The following PTPRT variants were observed in gnomAD, a reference collection of about 807,000 sequenced individuals.
PTPRT encodes protein tyrosine phosphatase receptor type T, also known as receptor-type tyrosine-protein phosphatase T.
In PTPRT, 56 loss-of-function variants were observed where a neutral mutation model predicts 176.8. The observed-to-expected ratio is 0.32, with a 90% CI of 0.26 to 0.40. The LOEUF (loss-of-function observed/expected upper bound fraction) is 0.40. PTPRT is among the 10% of genes least tolerant of loss of function. The pLI is 1.00. For synonymous variants in PTPRT, 783 were observed against 739.0 expected (o/e 1.06, Z -0.96); for missense variants, 1,540 against 1,908.2 (o/e 0.81, Z 3.60).
chr20:42,032,758 TTC>T, the PTPRT span, among the ~76,000 whole-genome samples: 11 of 150,150 alleles, frequency 7.3e-5, no homozygotes, highest in Non-Finnish European at 8.9e-5. Flanking sequence ...CTCTCTCTCC[TTC>T]TCTCTCTCTC....
At chr20:42,270,042 T>C (rs2056904237) in intron 13 of PTPRT, among the ~76,000 whole-genome samples, 1 of 152,098 alleles carries the variant, frequency 6.6e-6, no homozygotes, top group South Asian at 2.1e-4. Flanking sequence ...GGCAAATTTA[T>C]TTGTGTAGTT....
intron 1 of PTPRT, among the ~76,000 whole-genome samples, chr20:42,934,883 AC>A (rs1158375999): frequency 2.0e-5 from 3 of 152,078 alleles, no homozygotes; most frequent in Admixed American, 6.6e-5. Flanking sequence ...AGCCTGGCCA[AC>A]ATGGTGGAAC....
chr20:42,802,199 T>C lies in PTPRT; in HGVS notation c.215-10733A>G, dbSNP rs2077540747. 5.3e-5 allele frequency among the ~76,000 whole-genome samples: 8 copies of C among 152,350 alleles called. No homozygotes were observed. In the South Asian group the frequency reaches 1.7e-3, roughly 32 times the overall value. On this transcript the variant is annotated intron_variant, in intron 2 of 30. Transcript: ENST00000373187. Reference sequence around the variant, plus strand: ...CTAAGTGATGCTGATGGGACTGATCTGTGGACCACACTTTGATAACCACTG... The same window carrying C: ...CTAAGTGATGCTGATGGGACTGATCCGTGGACCACACTTTGATAACCACTG...
chr20:42,652,054 AC>A (rs548053434), intron 7 of PTPRT, among the ~76,000 whole-genome samples: 108 of 150,898 alleles, frequency 7.2e-4, no homozygotes, highest in African/African-American at 2.5e-3. Flanking sequence ...CCTCAAAAAA[AC>A]AAAAACAAAA....
intron 7 of PTPRT, among the ~76,000 whole-genome samples, chr20:42,652,916 G>A (rs2075058054): frequency 1.3e-5 from 2 of 152,122 alleles, no homozygotes; most frequent in African/African-American, 4.8e-5. Context: ...TAACTTTCCA[G>A]GACTGACCAG....
At chr20:42,767,977 TACACACACACACACACACACACAC>T (rs35599788) in intron 5 of PTPRT, among the ~76,000 whole-genome samples, 5 of 125,270 alleles carry the variant, frequency 4.0e-5, no homozygotes, top group African/African-American at 1.5e-4. Flanking sequence ...TATAAAATTA[TACACACACACACACACACACACAC>T]ACACACACAC....
At chr20:42,699,066 T>C (rs6102995) in intron 6 of PTPRT, among the ~76,000 whole-genome samples, 19,157 of 152,180 alleles carry the variant, frequency 0.13, 1,644 homozygotes, top group African/African-American at 0.23. Flanking sequence ...AGTCTCATGA[T>C]GTTTTCTTTG....
intron 1 of PTPRT, among the ~76,000 whole-genome samples, chr20:42,974,775 A>G (rs1982845388): frequency 6.6e-6 from 1 of 152,252 alleles, no homozygotes; most frequent in Non-Finnish European, 1.5e-5. Context: ...TCTTCCACTT[A>G]TCCCAATCCT....
chr20:42,660,194 A>G (rs961172038), intron 7 of PTPRT, among the ~76,000 whole-genome samples: 4 of 152,102 alleles, frequency 2.6e-5, no homozygotes, highest in African/African-American at 9.7e-5. Context: ...CCCAAAATAA[A>G]TTTCCCTAAC....
chr20:42,275,596 G>T (rs1036480094), intron 13 of PTPRT, among the ~76,000 whole-genome samples: 1 of 152,070 alleles, frequency 6.6e-6, no homozygotes, highest in Non-Finnish European at 1.5e-5. Flanking sequence ...GTGTGGCGGG[G>T]GAAGTTTGAG....
At chr20:42,424,489 T>G (rs553823042) in intron 9 of PTPRT, among the ~76,000 whole-genome samples, 1 of 152,296 alleles carries the variant, frequency 6.6e-6, no homozygotes, top group South Asian at 2.1e-4. Context: ...GATACTTGTC[T>G]GAGGGGGCTC....
At chr20:42,724,153 C>A (rs2146241662) in intron 6 of PTPRT, among the ~76,000 whole-genome samples, 1 of 152,322 alleles carries the variant, frequency 6.6e-6, no homozygotes, top group East Asian at 1.9e-4. Flanking sequence ...GCAATAAAAT[C>A]CTTGCCTTCA....
At chr20:42,323,323 C>A (rs371085082) in intron 11 of PTPRT, among the ~76,000 whole-genome samples, 2 of 151,898 alleles carry the variant, frequency 1.3e-5, no homozygotes, top group Non-Finnish European at 2.9e-5. Context: ...ATGTTTATTG[C>A]GGCACTATTC....
At chr20:42,081,153 A>C (rs1352167855) in intron 30 of PTPRT, among the ~76,000 whole-genome samples, 1 of 152,130 alleles carries the variant, frequency 6.6e-6, no homozygotes, top group Non-Finnish European at 1.5e-5. Context: ...AGCTGGCATC[A>C]TTCCCTTTCT....
At chr20:42,753,017 C>G (rs1054784599) in intron 6 of PTPRT, among the ~76,000 whole-genome samples, 1 of 152,126 alleles carries the variant, frequency 6.6e-6, no homozygotes, top group Non-Finnish European at 1.5e-5. Flanking sequence ...TGTATTTCTC[C>G]AGCAATCTGG....
chr20:42,070,865 C>T (rs1982294379), downstream of PTPRT, among the ~76,000 whole-genome samples: 1 of 152,070 alleles, frequency 6.6e-6, no homozygotes, highest in East Asian at 1.9e-4. Flanking sequence ...TGATATGCCC[C>T]CAAATATTTT....
intron 24 of PTPRT, among the ~76,000 whole-genome samples, chr20:42,104,940 A>G (rs1338778759): frequency 6.6e-6 from 1 of 152,158 alleles, no homozygotes; most frequent in Non-Finnish European, 1.5e-5. Flanking sequence ...ATGTAATAGC[A>G]TAGTCATGAT....
chr20:42,485,110 T>C (rs1460104096), intron 7 of PTPRT, among the ~76,000 whole-genome samples: 1 of 152,194 alleles, frequency 6.6e-6, no homozygotes, highest in Non-Finnish European at 1.5e-5. Context: ...GACTTTGGAA[T>C]GTTTAAAAAT....
intron 18 of PTPRT, among the ~76,000 whole-genome samples, chr20:42,141,310 A>G (rs148912963): frequency 6.6e-6 from 1 of 152,186 alleles, no homozygotes; most frequent in Non-Finnish European, 1.5e-5. Context: ...GTGAGGCCTG[A>G]GCTGGGCATA....
Sources: allele counts gnomAD v4.1 joint callset (sites outside exome capture counted in the v4.1 genomes callset), GRCh38; gene constraint gnomAD v4.1.1; transcripts MANE v1.5; gene names NCBI Gene and HGNC (gene_info 2026-07-23, HGNC 2026-07-21).